RABEP2: variants seen among roughly 807,000 people sequenced by gnomAD.
The protein encoded by RABEP2 is rab GTPase-binding effector protein 2.
RABEP2 carries 57 observed loss-of-function variants against 74.1 expected under a neutral mutation model. The ratio of observed to expected loss-of-function variants is 0.77; its 90% CI spans 0.62 to 0.96. The LOEUF (loss-of-function observed/expected upper bound fraction) is 0.96. Among genes scored for constraint, RABEP2 ranks in the 40% least tolerant of loss-of-function variants. The pLI, the probability that RABEP2 is intolerant of heterozygous loss-of-function variation, is 0.00. For synonymous variants in RABEP2, 351 were observed against 344.0 expected (o/e 1.02, Z -0.23); for missense variants, 692 against 756.3 (o/e 0.91, Z 1.00).
intron 2 of RABEP2, 111 bp from the exon 3 acceptor site, chr16:28,920,054 A>G: frequency 1.6e-6 from 2 of 1,244,286 alleles, no homozygotes; most frequent in Non-Finnish European, 1.1e-6. Flanking sequence ...ACAATCTACC[A>G]TAGCAGTTGC....
intron 3 of RABEP2, among the ~76,000 whole-genome samples, chr16:28,916,700 T>C (rs1047288203): frequency 2.0e-4 from 30 of 147,538 alleles, no homozygotes; most frequent in Admixed American, 9.6e-4. Flanking sequence ...AAAAAAAAAT[T>C]TCTGGCCAAG....
Position 28,919,837 on chromosome 16 carries a change from C to A in RABEP2, c.381G>T (p.Gln127His), listed in dbSNP as rs968529383. The A allele has an allele frequency of 8.1e-6, 13 of 1,612,050 alleles. No individual in the cohort carries two copies. The African/African-American group carries it at 1.7e-4, about 22-fold the overall frequency. ...EKERELGRLK[Q>H]LLSRAYPLDS... Reference sequence around the variant, plus strand: ...CCAGGGGGTAGGCCCGGGACAGCAGCTGCTTCAGGCGGCCCAGCTCCCGCT... The same window carrying A: ...CCAGGGGGTAGGCCCGGGACAGCAGATGCTTCAGGCGGCCCAGCTCCCGCT... The change falls in exon 3 of 13, where the codon CAG becomes CAT. Residue 127 changes from glutamine (Q) to histidine (H), a missense_variant. Gln to His is a conservative substitution (Grantham distance 24). Coordinates refer to ENST00000358201, the MANE Select transcript of RABEP2 (RefSeq NM_024816.3).
Position 28,904,924 on chromosome 16 carries a change from G to T in RABEP2, c.*19C>A. The T allele has an allele frequency of 6.3e-7, 1 of 1,575,110 alleles. No homozygotes were observed. Among genetic ancestry groups the T allele is most frequent in the Non-Finnish European group, 8.7e-7 (1 of 1,146,938 alleles). Reference sequence around the variant, plus strand: ...GAAAGGCGTCTTTCCCAGGGTGGGGGTGGGGATATCCTGACCCCTCAGGTG... The same window carrying T: ...GAAAGGCGTCTTTCCCAGGGTGGGGTTGGGGATATCCTGACCCCTCAGGTG... On this transcript the variant is annotated 3_prime_UTR_variant, in exon 13 of 13. Coordinates refer to ENST00000358201, the MANE Select transcript of RABEP2 (RefSeq NM_024816.3).
At chr16:28,916,287 T>A (rs1567498414) in intron 3 of RABEP2, 1 of 152,192 alleles carries the variant, frequency 6.6e-6, no homozygotes, top group Non-Finnish European at 1.5e-5. Context: ...ATGTGCTACC[T>A]ATGGCAAAAC....
intron 7 of RABEP2, 108 bp from the exon 8 acceptor site, chr16:28,908,872 C>T: frequency 8.6e-7 from 1 of 1,164,358 alleles, no homozygotes; most frequent in Non-Finnish European, 1.2e-6. Context: ...CAAGAGAGCC[C>T]ATACCCTCTC....
chr16:28,919,059 C>T (rs1315137072), intron 3 of RABEP2, among the ~76,000 whole-genome samples: 1 of 152,202 alleles, frequency 6.6e-6, no homozygotes, highest in Non-Finnish European at 1.5e-5. Context: ...TGAGCCTTAT[C>T]GTACTCATCT....
Position 28,908,717 on chromosome 16 carries a change from C to T in RABEP2, c.1137G>A (p.Arg379=), listed in dbSNP as rs772860596. Residue 379 remains arginine (R), a synonymous_variant, in exon 8 of 13, where the codon CGG becomes CGA. Coordinates refer to ENST00000358201, the MANE Select transcript of RABEP2 (RefSeq NM_024816.3). ...THKCLHHEVK[R]LNEENQGLRA... is the part of the protein sequence containing the mutation. Reference sequence around the variant, plus strand: ...GGAGCCCTTGGTTTTCCTCATTCAACCGCTTTACCTCATGGTGCAGGCACT... The same window carrying T: ...GGAGCCCTTGGTTTTCCTCATTCAATCGCTTTACCTCATGGTGCAGGCACT... 1.2e-6 allele frequency: 2 copies of T among 1,614,220 alleles called. No homozygotes were observed. The highest frequency in any genetic ancestry group is 1.7e-6 in the Non-Finnish European group (2 of 1,180,034).
chr16:28,913,031 C>T (rs924435939), intron 5 of RABEP2, among the ~76,000 whole-genome samples: 1 of 151,946 alleles, frequency 6.6e-6, no homozygotes, highest in African/African-American at 2.4e-5. Context: ...GGCGCGATCT[C>T]GGCTTACCAC....
intron 5 of RABEP2, 120 bp from the exon 6 acceptor site, chr16:28,911,299 C>T (rs1215046628): frequency 1.1e-6 from 1 of 875,002 alleles, no homozygotes; most frequent in Non-Finnish European, 1.8e-6. Flanking sequence ...AAATTACAGG[C>T]CCAGCCATCC....
At chr16:28,908,810 C>G in intron 7 of RABEP2, 46 bp from the exon 8 acceptor site, 1 of 1,582,980 alleles carries the variant, frequency 6.3e-7, no homozygotes, top group Non-Finnish European at 8.6e-7. Context: ...GACAGGGCGT[C>G]TCCAGTCCCT....
At chr16:28,908,147 GC>G in intron 8 of RABEP2, among the ~76,000 whole-genome samples, 1 of 152,074 alleles carries the variant, frequency 6.6e-6, no homozygotes, top group Non-Finnish European at 1.5e-5. Context: ...TTTACCGTTG[GC>G]CAGGCTGGTC....
chr16:28,912,043 G>A (rs978132468), intron 5 of RABEP2, among the ~76,000 whole-genome samples: 3 of 151,808 alleles, frequency 2.0e-5, no homozygotes, highest in African/African-American at 4.8e-5. Flanking sequence ...TCAGGAGATC[G>A]AGACCATCCT....
At chr16:28,909,620 T>A (rs536100874) in intron 7 of RABEP2, among the ~76,000 whole-genome samples, 1 of 151,976 alleles carries the variant, frequency 6.6e-6, no homozygotes, top group Admixed American at 6.6e-5. Context: ...AGGGTGAGGC[T>A]GCAGGATTGC....
chr16:28,915,355 G>C (rs1964377229), intron 3 of RABEP2, among the ~76,000 whole-genome samples: 1 of 150,754 alleles, frequency 6.6e-6, no homozygotes, highest in Non-Finnish European at 1.5e-5. Context: ...CCCAGCATCT[G>C]GGTTGGGATT....
chr16:28,918,705 G>A (rs1468403013), intron 3 of RABEP2, among the ~76,000 whole-genome samples: 1 of 151,974 alleles, frequency 6.6e-6, no homozygotes, highest in African/African-American at 2.4e-5. Flanking sequence ...CCAAGCTGGA[G>A]TGCAGTGATG....
chr16:28,911,660 A>T (rs1206870316), intron 5 of RABEP2, among the ~76,000 whole-genome samples: 1 of 151,376 alleles, frequency 6.6e-6, no homozygotes, highest in Non-Finnish European at 1.5e-5. Context: ...AAAAGAGAAA[A>T]AAAAAAAAAA....
chr16:28,907,263 C>T (rs561033496), intron 8 of RABEP2, among the ~76,000 whole-genome samples: 5 of 149,970 alleles, frequency 3.3e-5, no homozygotes, highest in African/African-American at 1.2e-4. Flanking sequence ...CAGGCTCAAG[C>T]GTCCCACCTC....
chr16:28,905,628 AG>A, intron 11 of RABEP2, 75 bp downstream of exon 11: 1 of 755,002 alleles, frequency 1.3e-6, no homozygotes, highest in East Asian at 6.9e-5. Context: ...GGAGACACAG[AG>A]GGCGGGAGGG....
Position 28,924,615 on chromosome 16 carries a change from G to C in RABEP2, c.62C>G (p.Ala21Gly), listed in dbSNP as rs1964509435. Residue 21 changes from alanine to glycine, a missense_variant and splice_region_variant, in exon 2 of 13, where the codon GCA becomes GGA. Transcript: ENST00000358201. ...TTCCTGGGACCGGGAGTCCTCCAGT[G>C]CTGTGGGGGACAGGGATCAGCCTCT... ...DDERRRRPGA[A>G]LEDSRSQEGA... 3 of 1,608,572 alleles carry C rather than the reference G, an allele frequency of 1.9e-6. No individual in the cohort carries two copies. Among genetic ancestry groups the C allele is most frequent in the Non-Finnish European group, 2.5e-6 (3 of 1,179,644 alleles).
Sources: gnomAD v4.1 joint callset for allele counts (sites outside exome capture counted in the v4.1 genomes callset) on GRCh38, gnomAD v4.1.1 for gene constraint, MANE v1.5 for transcripts, NCBI Gene and HGNC (gene_info 2026-07-23, HGNC 2026-07-21) for gene names.